The following FN1 variants were observed in gnomAD, a reference collection of about 807,000 sequenced individuals.
FN1 encodes fibronectin 1.
A neutral mutation model predicts 297.3 loss-of-function variants in FN1; 106 were observed. That is an observed-to-expected ratio of 0.36 (90% CI 0.30 to 0.42). FN1 has a LOEUF of 0.42. Ranked by LOEUF, FN1 falls within the 10% of genes least tolerant of loss-of-function variation. The pLI is 1.00. For synonymous variants in FN1, 1,149 were observed against 1,152.6 expected, an observed-to-expected ratio of 1.00 and a Z score of 0.06; for missense variants, 2,690 against 3,124.9, an observed-to-expected ratio of 0.86 and a Z score of 3.32.
At chr2:215,389,092 AT>A (rs887494574) in intron 26 of FN1, among the ~76,000 whole-genome samples, 7 of 150,964 alleles carry the variant, frequency 4.6e-5, no homozygotes, top group African/African-American at 9.7e-5. Context: ...ATCTTGTTCC[AT>A]TTTTTTTTAT....
At chr2:215,379,587 A>C (rs1441755736) in intron 33 of FN1, 1 of 329,644 alleles carries the variant, frequency 3.0e-6, no homozygotes, top group African/African-American at 2.1e-5. Context: ...TAGGTTTTAC[A>C]AGTTTTGCTT....
At position 215,397,801 on chromosome 2, in the gene FN1, A is replaced by G. The variant is rs1327526246; in HGVS notation, c.3396T>C (p.Thr1132=). 6.2e-7 allele frequency: 1 copy of G among 1,614,040 alleles called. No homozygotes were observed. The highest frequency in any genetic ancestry group is 8.5e-7 in the Non-Finnish European group (1 of 1,180,022). ...ACACAACGATGCTTCCTGAGTCTGAAGTCACTTCTCGTGGTGCCTCTCCTC... is the reference window on the plus strand; with the variant it reads ...ACACAACGATGCTTCCTGAGTCTGAGGTCACTTCTCGTGGTGCCTCTCCTC... ...SQGGEAPREV[T]SDSGSIVVSG... Residue 1132 remains threonine (T), a synonymous_variant, in exon 22 of 46, where the codon ACT becomes ACC. Transcript: ENST00000354785.
rs776001460 is a variant in FN1 at position 215,383,400 on chromosome 2, CAG to C, written c.4976_4977del (p.Pro1659ArgfsTer20). 6 of 1,613,906 alleles carry C rather than the reference CAG, an allele frequency of 3.7e-6. No homozygotes were observed. Among genetic ancestry groups the C allele is most frequent in the African/African-American group, 2.7e-5 (2 of 74,888 alleles). On this transcript the variant is annotated frameshift_variant, in exon 31 of 46. Transcript: ENST00000354785. LOFTEE classifies it high-confidence loss of function. The stretch of plus-strand genomic sequence containing the variant: ...GTGGTGGTTACTCTGTAACCAGTAA[CAG>C]GGGAACTTGAAGGCAGCCACTTGAC... ...ISVKWLPSSSPVTGYRVTTTP... is the reference protein window; with the variant it reads ...ISVKWLPSSSXVTGYRVTTTP...
intron 42 of FN1, 139 bp from the exon 43 acceptor site, chr2:215,365,769 T>A (rs1214422937): frequency 5.7e-6 from 3 of 528,210 alleles, no homozygotes; most frequent in Non-Finnish European, 6.4e-6. Context: ...AAAACCCCTA[T>A]AATGGGCCAT....
chr2:215,383,111 TCTC>T (rs1671704558), intron 31 of FN1, among the ~76,000 whole-genome samples: 1 of 151,900 alleles, frequency 6.6e-6, no homozygotes, highest in African/African-American at 2.4e-5. Context: ...TTCAAGCCAT[TCTC>T]CTGCCTCAGC....
At chr2:215,366,072 C>T (rs2054554287) in intron 42 of FN1, among the ~76,000 whole-genome samples, 1 of 151,118 alleles carries the variant, frequency 6.6e-6, no homozygotes, top group Admixed American at 6.6e-5. Context: ...CCCGCCTCAG[C>T]CTCCAAAAGT....
chr2:215,407,285 C>T lies in FN1; in HGVS notation c.2555G>A (p.Ser852Asn). 6.2e-7 allele frequency: 1 copy of T among 1,614,144 alleles called. No individual in the cohort carries two copies. The highest frequency in any genetic ancestry group is 8.5e-7 in the Non-Finnish European group (1 of 1,180,014). The part of the protein sequence containing the change: ...RIVYSPSVEG[S>N]STELNLPETA... ...TTCAGGAAGGTTGAGTTCTGTGCTG[C>T]TACCTTCTACTGATGGCGAATAGAC... Residue 852 changes from serine (S) to asparagine (N), a missense_variant, in exon 18 of 46, where the codon AGC becomes AAC. Ser to Asn is a conservative substitution (Grantham distance 46). This residue lies in a region of FN1 where 71 missense variants were observed against 121.7 expected (regional missense o/e 0.58). Coordinates refer to ENST00000354785, the MANE Select transcript of FN1 (RefSeq NM_212482.4).
At chr2:215,364,639 G>C (rs938058518) in intron 44 of FN1, 9 of 569,080 alleles carry the variant, frequency 1.6e-5, no homozygotes. Context: ...TTGTGTTTTT[G>C]GTACTCTACA....
intron 38 of FN1, 23 bp from the exon 39 acceptor site, chr2:215,373,434 A>C (rs2056628521): frequency 1.9e-6 from 3 of 1,590,622 alleles, no homozygotes; most frequent in Admixed American, 1.7e-5. Context: ...TAGAACCATC[A>C]CATTATGTCA....
intron 35 of FN1, among the ~76,000 whole-genome samples, chr2:215,377,051 TG>T (rs2057397781): frequency 7.2e-6 from 1 of 138,686 alleles, no homozygotes; most frequent in Non-Finnish European, 1.5e-5. Context: ...TGTGTGTGTG[TG>T]TGTGTATGTG....
In FN1 at chr2:215,371,891, A is replaced by C; in HGVS notation, c.6714+18T>G. On this transcript the variant is annotated intron_variant, in intron 40 of 45. Transcript: ENST00000354785. ...TTTCTGTGCTGCCCCATGAGAAGTG[A>C]AGAGAACAATTAATTACCTGTAAGG... 6.3e-7 allele frequency: 1 copy of C among 1,593,482 alleles called. No homozygotes were observed. The highest frequency in any genetic ancestry group is 8.6e-7 in the Non-Finnish European group (1 of 1,161,130).
chr2:215,381,756 G>C (rs1254579085), intron 32 of FN1: 1 of 243,922 alleles, frequency 4.1e-6, no homozygotes. Flanking sequence ...ACAGGCGTGA[G>C]CCCAGCCCTA....
At chr2:215,380,100 C>G (rs2057997620) in intron 33 of FN1, 1 of 152,430 alleles carries the variant, frequency 6.6e-6, no homozygotes, top group South Asian at 2.1e-4. Flanking sequence ...TTTATTTGGA[C>G]CCTATGGCAG....
At chr2:215,435,195 C>G (rs534312858) in intron 1 of FN1, among the ~76,000 whole-genome samples, 18 of 152,126 alleles carry the variant, frequency 1.2e-4, no homozygotes, top group African/African-American at 4.1e-4. Flanking sequence ...GAGGTCTGAA[C>G]CAATTACATC....
At chr2:215,391,420 G>T (rs1165868280) in intron 26 of FN1, among the ~76,000 whole-genome samples, 2 of 152,118 alleles carry the variant, frequency 1.3e-5, no homozygotes, top group African/African-American at 2.4e-5. Context: ...TTTCCACTAT[G>T]ATTTTTTTAA....
chr2:215,416,399 T>C (rs1250268), intron 12 of FN1, among the ~76,000 whole-genome samples: 143,625 of 152,226 alleles, frequency 0.94, 67,940 homozygotes, highest in East Asian at 1. Flanking sequence ...ATTCCATGCC[T>C]ATCTTTGAAT....
chr2:215,412,760 C>CTTTTTT (rs10524797), intron 13 of FN1, among the ~76,000 whole-genome samples: 2,928 of 97,030 alleles, frequency 0.03, 168 homozygotes, highest in South Asian at 0.053. Flanking sequence ...TATTAAGTAT[C>CTTTTTT]TTTTTTTTTT....
intron 24 of FN1, 96 bp downstream of exon 24, chr2:215,394,432 T>C: frequency 9.2e-7 from 1 of 1,087,760 alleles, no homozygotes; most frequent in Non-Finnish European, 1.4e-6. Flanking sequence ...AAATCCCAAA[T>C]ATAGTTGACA....
intron 15 of FN1, among the ~76,000 whole-genome samples, chr2:215,408,672 ATTC>A (rs1349506417): frequency 6.6e-6 from 1 of 152,066 alleles, no homozygotes; most frequent in Non-Finnish European, 1.5e-5. Context: ...GGTTCAAGCA[ATTC>A]TTCTGCCTCG....
Sources: gnomAD v4.1 joint callset for allele counts (sites outside exome capture counted in the v4.1 genomes callset) on GRCh38, gnomAD v4.1.1 for gene constraint, gnomAD v4.1.1 regional missense constraint, MANE v1.5 for transcripts, NCBI Gene and HGNC (gene_info 2026-07-23, HGNC 2026-07-21) for gene names.